The following CFAP47 variants were observed in gnomAD, a reference collection of about 807,000 sequenced individuals.
CFAP47 encodes cilia and flagella associated protein 47.
CFAP47 carries 29 observed loss-of-function variants against 148.1 expected under a neutral mutation model. The observed-to-expected ratio is 0.20, with a 90% confidence interval of 0.15 to 0.27. The LOEUF is 0.27. CFAP47 is among the 10% of genes least tolerant of loss of function. The probability of loss-of-function intolerance (pLI) is 1.00; values close to 1 mark genes in which losing one functional copy is unlikely to be tolerated. For missense variants in CFAP47, 1,872 were observed against 1,697.5 expected (o/e 1.10, Z -1.81); for synonymous variants, 664 against 577.3 (o/e 1.15, Z -2.15).
At position 36,285,985 on chromosome X, in the gene CFAP47, C is replaced by A. The variant is rs1831600213; in HGVS notation, c.7686+259C>A. Among the ~76,000 whole-genome samples, 6 of 111,384 alleles carry A rather than the reference C, an allele frequency of 5.4e-5. No individual in the cohort carries two copies. The Admixed American group carries it at 5.7e-4, about 11-fold the overall frequency. On this transcript the variant is annotated intron_variant, in intron 51 of 63. Transcript: ENST00000378653. ...CTATCTGTTTCAAGAGTTACTAGAG[C>A]AAACTTAACCTTAGTCTACATGTTT...
At chrX:36,323,466 G>T (rs1941493771) in intron 57 of CFAP47, among the ~76,000 whole-genome samples, 1 of 110,643 alleles carries the variant, frequency 9.0e-6, no homozygotes, top group Non-Finnish European at 1.9e-5. Flanking sequence ...AACTGATTCA[G>T]CAGGGAAGTT....
intron 26 of CFAP47, among the ~76,000 whole-genome samples, chrX:36,061,444 G>A (rs1230900186): frequency 8.9e-6 from 1 of 111,848 alleles, no homozygotes; most frequent in Admixed American, 9.5e-5. Flanking sequence ...CATAATGAAT[G>A]AGCTCTACTC....
intron 49 of CFAP47, among the ~76,000 whole-genome samples, chrX:36,264,602 C>A: frequency 8.9e-6 from 1 of 111,979 alleles, no homozygotes; most frequent in Non-Finnish European, 1.9e-5. Flanking sequence ...GAGATGCTCT[C>A]CGCTCACTGC....
At chrX:36,333,812 C>T (rs73460170) in intron 57 of CFAP47, among the ~76,000 whole-genome samples, 5,619 of 110,855 alleles carry the variant, frequency 0.051, 392 homozygotes, top group African/African-American at 0.18. Flanking sequence ...GGAACATGCT[C>T]ACAACTTGCC....
At chrX:36,210,932 G>C (rs1431301733) in intron 45 of CFAP47, among the ~76,000 whole-genome samples, 1 of 112,216 alleles carries the variant, frequency 8.9e-6, no homozygotes, top group Non-Finnish European at 1.9e-5. Context: ...AGTCGTCTTA[G>C]CAGCATTTGT....
chrX:36,267,710 C>T lies in CFAP47; in HGVS notation c.7445-12777C>T, dbSNP rs186795563. 1.1e-4 allele frequency among the ~76,000 whole-genome samples: 12 copies of T among 111,447 alleles called. No homozygotes were observed. The East Asian group carries it at 3.4e-3, about 32-fold the overall frequency. On this transcript the variant is annotated intron_variant, in intron 49 of 63. Transcript: ENST00000378653. ...AGCCAGGATGGTTTTGATCTCCTGA[C>T]CTCATGATCCACCCGCCTTGGCCTC...
At chrX:36,207,077 A>G (rs1940046700) in intron 45 of CFAP47, among the ~76,000 whole-genome samples, 1 of 112,059 alleles carries the variant, frequency 8.9e-6, no homozygotes, top group African/African-American at 3.2e-5. Flanking sequence ...ATGAAATAAA[A>G]GGCATGCCCT....
intron 26 of CFAP47, among the ~76,000 whole-genome samples, chrX:36,055,019 G>A (rs944328252): frequency 3.7e-5 from 4 of 108,710 alleles, no homozygotes; most frequent in African/African-American, 1.0e-4. Context: ...TGATCCACCC[G>A]CCTCGGCCTC....
In CFAP47 at chrX:36,026,764, A is replaced by G. The variant is rs1305410020; in HGVS notation, c.3557-4489A>G. ...TGTGAACACCATTTCAATGTTAACA[A>G]AAAACTCTGATCAAGTCCATCATTA... On this transcript the variant is annotated intron_variant, in intron 22 of 63. Transcript: ENST00000378653. Among the ~76,000 whole-genome samples the G allele has an allele frequency of 2.7e-5, 3 of 110,599 alleles. No homozygotes were observed. The Admixed American group carries it at 2.9e-4, about 11-fold the overall frequency.
chrX:36,303,767 C>T (rs1318409478), intron 53 of CFAP47, 82 bp from the exon 54 acceptor site: 18 of 462,844 alleles, frequency 3.9e-5, no homozygotes, highest in Non-Finnish European at 5.4e-5. Flanking sequence ...TATTTTAATC[C>T]TAGGGGTCAT....
chrX:36,221,902 A>G (rs1940216953), intron 45 of CFAP47, among the ~76,000 whole-genome samples: 1 of 111,580 alleles, frequency 9.0e-6, no homozygotes, highest in Non-Finnish European at 1.9e-5. Context: ...TCTCTCAATA[A>G]TTGACAGATC....
chrX:36,241,443 A>G (rs1555995993), intron 48 of CFAP47, among the ~76,000 whole-genome samples: 1 of 111,732 alleles, frequency 8.9e-6, no homozygotes, highest in Non-Finnish European at 1.9e-5. Context: ...TGTACGCCCT[A>G]CTGCTAGCCA....
At position 35,956,216 on chromosome X, in the gene CFAP47, C is replaced by T. The variant is rs367971605; in HGVS notation, c.1410+20C>T. On this transcript the variant is annotated intron_variant, in intron 8 of 63. Transcript: ENST00000378653. The stretch of plus-strand genomic sequence containing the variant: ...ATGGTGGTAAGATAATTTTTCTTTG[C>T]GTTTACATGGCAGCTAACATTTTAA... 2.5e-5 allele frequency: 28 copies of T among 1,109,584 alleles called. No homozygotes were observed. The African/African-American group carries it at 3.5e-4, about 14-fold the overall frequency. The allele number at this position is 1,109,584 out of a possible 1,213,427, so 91.4% of individuals were successfully genotyped here.
chrX:36,251,212 G>A, intron 48 of CFAP47, 121 bp from the exon 49 acceptor site: 1 of 284,668 alleles, frequency 3.5e-6, no homozygotes, highest in South Asian at 1.7e-4. Context: ...TTTATTGGGG[G>A]TATTTAAATT....
chrX:36,213,381 A>G (rs1257110910), intron 45 of CFAP47, among the ~76,000 whole-genome samples: 1 of 111,439 alleles, frequency 9.0e-6, no homozygotes, highest in Non-Finnish European at 1.9e-5. Context: ...CATCAGTGGT[A>G]CCTGGGTACC....
intron 1 of CFAP47, among the ~76,000 whole-genome samples, chrX:35,924,647 GGTT>G (rs1273553813): frequency 6.4e-5 from 7 of 109,274 alleles, no homozygotes; most frequent in Non-Finnish European, 1.9e-5. Flanking sequence ...ATTTTTATTA[GGTT>G]GTTCTTCCTT....
chrX:36,101,006 A>T (rs964730624), intron 32 of CFAP47, among the ~76,000 whole-genome samples: 2 of 110,405 alleles, frequency 1.8e-5, no homozygotes, highest in Non-Finnish European at 3.8e-5. Flanking sequence ...CCCTCTGGAG[A>T]GTTCCTTCTT....
At chrX:36,336,484 C>T (rs1941608056) in intron 57 of CFAP47, among the ~76,000 whole-genome samples, 1 of 111,352 alleles carries the variant, frequency 9.0e-6, no homozygotes, top group Non-Finnish European at 1.9e-5. Flanking sequence ...TCAGGGCTCT[C>T]CTAGACTGAC....
At chrX:36,159,339 G>A in intron 37 of CFAP47, 87 bp from the exon 38 acceptor site, 2 of 292,174 alleles carry the variant, frequency 6.8e-6, no homozygotes. Flanking sequence ...GGGGATGTAG[G>A]CATTAGACAC....
Sources: allele counts gnomAD v4.1 joint callset (sites outside exome capture counted in the v4.1 genomes callset), GRCh38; gene constraint gnomAD v4.1.1; transcripts MANE v1.5; gene names NCBI Gene and HGNC (gene_info 2026-07-23, HGNC 2026-07-21).